Variants in NAALADL2 observed in about 807,000 individuals in gnomAD.
NAALADL2 encodes N-acetylated alpha-linked acidic dipeptidase like 2.
Under a neutral mutation model 87.2 loss-of-function variants are expected in NAALADL2, and 76 were observed. That is an observed-to-expected ratio of 0.87 (90% confidence interval 0.72 to 1.05). The LOEUF (loss-of-function observed/expected upper bound fraction) is 1.05. NAALADL2 is among the 50% of genes least tolerant of loss of function. The pLI is 0.00. For missense variants in NAALADL2, 1,089 were observed against 945.8 expected (o/e 1.15, Z -1.99); for synonymous variants, 354 against 331.0 (o/e 1.07, Z -0.75).
At chr3:175,659,572 A>T (rs1731968232) in intron 11 of NAALADL2, among the ~76,000 whole-genome samples, 1 of 152,214 alleles carries the variant, frequency 6.6e-6, no homozygotes, top group Non-Finnish European at 1.5e-5. Flanking sequence ...GAACAAAAGT[A>T]GGTCTTGATG....
intron 1 of NAALADL2, among the ~76,000 whole-genome samples, chr3:174,528,029 A>G (rs1415046656): frequency 6.6e-6 from 1 of 152,232 alleles, no homozygotes; most frequent in Admixed American, 6.5e-5. Flanking sequence ...ATATTCCGAC[A>G]GCAGACTGAA....
rs564583672 is a variant in NAALADL2, at chr3:174,529,794, C to T, written c.-183-20775C>T. Among the ~76,000 whole-genome samples the T allele has an allele frequency of 1.5e-4, 23 of 152,272 alleles. No homozygotes were observed. The East Asian group carries it at 1.5e-3, about 10-fold the overall frequency. On this transcript the variant is annotated intron_variant, in intron 1 of 3. Transcript: ENST00000434257. ...GCTCTATGTTGGCCCCTTTCAGCCA[C>T]GGCTAGAGCAGCAGGGACACGGCAT...
intron 5 of NAALADL2, among the ~76,000 whole-genome samples, chr3:175,360,288 T>A (rs1764837396): frequency 2.0e-5 from 3 of 152,152 alleles, no homozygotes; most frequent in Admixed American, 2.0e-4. Flanking sequence ...GTATCTTTCA[T>A]GAATTATTTC....
chr3:174,447,991 G>T (rs1248520673), intron 1 of NAALADL2, among the ~76,000 whole-genome samples: 1 of 152,118 alleles, frequency 6.6e-6, no homozygotes, highest in Admixed American at 6.6e-5. Flanking sequence ...TTATCTATCT[G>T]CTTTGGTTTG....
intron 1 of NAALADL2, among the ~76,000 whole-genome samples, chr3:174,463,772 T>C (rs988884085): frequency 2.6e-5 from 4 of 151,980 alleles, no homozygotes; most frequent in African/African-American, 9.7e-5. Flanking sequence ...GGCTAATTTT[T>C]TGTATTTTTA....
intron 11 of NAALADL2, among the ~76,000 whole-genome samples, chr3:175,701,563 A>G (rs1739005448): frequency 6.6e-6 from 1 of 152,112 alleles, no homozygotes; most frequent in African/African-American, 2.4e-5. Flanking sequence ...TTGTGGGCAC[A>G]GGAGTGAAAA....
intron 9 of NAALADL2, among the ~76,000 whole-genome samples, chr3:175,565,053 T>C (rs935908000): frequency 1.3e-5 from 2 of 152,214 alleles, no homozygotes; most frequent in Non-Finnish European, 2.9e-5. Flanking sequence ...GTTTGGGTGA[T>C]TAATCAGCAG....
chr3:175,709,298 T>C (rs1004104126), intron 11 of NAALADL2, among the ~76,000 whole-genome samples: 10 of 152,122 alleles, frequency 6.6e-5, no homozygotes, highest in Non-Finnish European at 1.3e-4. Context: ...TGTGTGTATG[T>C]CATTGGACTG....
chr3:174,559,230 A>T (rs1450228437), intron 2 of NAALADL2, among the ~76,000 whole-genome samples: 2 of 152,198 alleles, frequency 1.3e-5, no homozygotes, highest in African/African-American at 2.4e-5. Context: ...CTAGTTTCTC[A>T]AACAATTAAT....
intron 4 of NAALADL2, among the ~76,000 whole-genome samples, chr3:175,287,239 T>G (rs2110117206): frequency 6.6e-6 from 1 of 152,344 alleles, no homozygotes; most frequent in Admixed American, 6.5e-5. Context: ...AGCTTAATGG[T>G]TTGTTATAAA....
chr3:174,674,924 T>C (rs1236255113), intron 2 of NAALADL2, among the ~76,000 whole-genome samples: 1 of 152,116 alleles, frequency 6.6e-6, no homozygotes, highest in Admixed American at 6.6e-5. Flanking sequence ...CAAATTCTGT[T>C]TTCTGTCAGT....
At chr3:174,573,003 A>G (rs115775308) in intron 2 of NAALADL2, among the ~76,000 whole-genome samples, 2,548 of 152,330 alleles carry the variant, frequency 0.017, 84 homozygotes, top group African/African-American at 0.057. Flanking sequence ...AGGCAGAAGC[A>G]GGATTCAAAT....
chr3:175,597,817 A>G (rs766295234), intron 10 of NAALADL2, among the ~76,000 whole-genome samples: 3 of 152,162 alleles, frequency 2.0e-5, no homozygotes, highest in East Asian at 1.9e-4. Flanking sequence ...GAATATCTAC[A>G]TCTATATTTA....
At position 175,118,995 on chromosome 3, in the gene NAALADL2, A is replaced by C. The variant is rs943854832; in HGVS notation, c.545+21704A>C. On this transcript the variant is annotated intron_variant, in intron 2 of 13. Transcript: ENST00000454872. ...TATTATAACATGTGAGGATTTTCAC[A>C]ATTAAAATATATTAACTTTGTTTCA... 2.0e-5 allele frequency among the ~76,000 whole-genome samples: 3 copies of C among 151,746 alleles called. No individual in the cohort carries two copies. The Admixed American group carries it at 2.0e-4, about 10-fold the overall frequency.
chr3:175,080,028 C>G (rs916478058), intron 1 of NAALADL2, among the ~76,000 whole-genome samples: 3 of 150,674 alleles, frequency 2.0e-5, no homozygotes, highest in African/African-American at 4.9e-5. Context: ...TGCAGTGGAG[C>G]GATCTCGGCT....
intron 13 of NAALADL2, among the ~76,000 whole-genome samples, chr3:175,759,268 A>C (rs1185445654): frequency 6.6e-6 from 1 of 152,228 alleles, no homozygotes; most frequent in African/African-American, 2.4e-5. Context: ...ACTTATTCAA[A>C]GTGCACAATG....
intron 1 of NAALADL2, among the ~76,000 whole-genome samples, chr3:175,020,643 T>C (rs1298242031): frequency 6.6e-6 from 1 of 152,066 alleles, no homozygotes; most frequent in African/African-American, 2.4e-5. Flanking sequence ...CTTACTTGTT[T>C]TCAGCTTTTT....
chr3:175,163,646 A>G (rs1733561938), intron 2 of NAALADL2, among the ~76,000 whole-genome samples: 1 of 152,120 alleles, frequency 6.6e-6, no homozygotes, highest in Non-Finnish European at 1.5e-5. Flanking sequence ...ACTAGTATAA[A>G]AAGACCCATC....
intron 2 of NAALADL2, among the ~76,000 whole-genome samples, chr3:174,623,038 G>A (rs781428497): frequency 6.6e-5 from 10 of 151,922 alleles, no homozygotes; most frequent in Admixed American, 3.3e-4. Flanking sequence ...GTGAGACTCC[G>A]TCTCAAAAAA....
Sources: allele counts gnomAD v4.1 joint callset (sites outside exome capture counted in the v4.1 genomes callset), GRCh38; gene constraint gnomAD v4.1.1; transcripts MANE v1.5; gene names NCBI Gene and HGNC (gene_info 2026-07-23, HGNC 2026-07-21).